NMI: variants seen among roughly 807,000 people sequenced by gnomAD.
NMI encodes the protein N-myc-interactor.
Under a neutral mutation model 34.3 loss-of-function variants are expected in NMI, and 39 were observed. That is an observed-to-expected ratio of 1.14 (90% CI 0.88 to 1.49). The LOEUF is 1.49. Ranked by LOEUF, NMI falls within the 40% of genes most tolerant of loss-of-function variation. The probability of loss-of-function intolerance (pLI) is 0.00; values close to 1 mark genes in which losing one functional copy is unlikely to be tolerated. For synonymous variants in NMI, 113 were observed against 120.3 expected, an observed-to-expected ratio of 0.94 and a Z score of 0.40; for missense variants, 339 against 358.1, an observed-to-expected ratio of 0.95 and a Z score of 0.43.
At chr2:151,284,373 A>T (rs1220432495) in intron 1 of NMI, among the ~76,000 whole-genome samples, 2 of 151,984 alleles carry the variant, frequency 1.3e-5, no homozygotes, top group Non-Finnish European at 2.9e-5. Context: ...AACACGGCTC[A>T]CTGCAGCCTC....
intron 4 of NMI, 62 bp downstream of exon 4, chr2:151,278,766 G>T (rs1325793700): frequency 4.7e-6 from 6 of 1,280,968 alleles, no homozygotes; most frequent in Non-Finnish European, 6.8e-6. Context: ...CGAAGTAATA[G>T]CTAAATGTCT....
intron 6 of NMI, among the ~76,000 whole-genome samples, chr2:151,272,380 A>T (rs1407564681): frequency 6.6e-6 from 1 of 152,226 alleles, no homozygotes; most frequent in East Asian, 1.9e-4. Flanking sequence ...CTTCTCACTC[A>T]TCTACCTTGG....
At chr2:151,284,053 A>G (rs545121247) in intron 1 of NMI, among the ~76,000 whole-genome samples, 2 of 152,292 alleles carry the variant, frequency 1.3e-5, no homozygotes, top group South Asian at 4.1e-4. Flanking sequence ...TCTGATAACC[A>G]TATTTCAATA....
At chr2:151,271,816 A>C in intron 6 of NMI, 84 bp from the exon 7 acceptor site, 1 of 683,882 alleles carries the variant, frequency 1.5e-6, no homozygotes, top group South Asian at 1.7e-5. Context: ...CAAAGAGAAC[A>C]CTATTACAGT....
At chr2:151,287,384 A>C (rs916350412) in intron 1 of NMI, among the ~76,000 whole-genome samples, 7 of 151,974 alleles carry the variant, frequency 4.6e-5, no homozygotes, top group African/African-American at 1.5e-4. Flanking sequence ...TATTGTATCA[A>C]CAACTGCAAA....
Position 151,271,740 on chromosome 2 carries a change from C to T in NMI, c.635-8G>A. 1 of 1,365,488 alleles carries T rather than the reference C, an allele frequency of 7.3e-7. No homozygotes were observed. Among genetic ancestry groups the T allele is most frequent in the Middle Eastern group, 1.8e-4 (1 of 5,568 alleles). The allele number at this position is 1,365,488 out of a possible 1,614,324, so 84.6% of individuals were successfully genotyped here. ...TCAAAATCTTGTCAGCCACTAAAAG[C>T]AAAACAAAAACAATACTTGTCTTTT... On this transcript the variant is annotated splice_polypyrimidine_tract_variant and splice_region_variant and intron_variant, in intron 6 of 7. Coordinates refer to ENST00000243346, the MANE Select transcript of NMI (RefSeq NM_004688.3).
At chr2:151,286,914 T>C (rs952244036) in intron 1 of NMI, among the ~76,000 whole-genome samples, 10 of 152,194 alleles carry the variant, frequency 6.6e-5, no homozygotes, top group African/African-American at 2.4e-4. Context: ...CTGTGCACAT[T>C]AATAAATTTG....
At chr2:151,277,868 T>C (rs1683317905) in intron 4 of NMI, 1 of 152,146 alleles carries the variant, frequency 6.6e-6, no homozygotes, top group Admixed American at 6.6e-5. Flanking sequence ...ATAACTTAAA[T>C]AAAAGAACAA....
At chr2:151,271,767 T>TA in intron 6 of NMI, 35 bp from the exon 7 acceptor site, 1 of 1,022,548 alleles carries the variant, frequency 9.8e-7, no homozygotes, top group East Asian at 2.4e-5. Context: ...TTGTCTTTTT[T>TA]ATATCATAAG....
chr2:151,278,020 C>G (rs1163139023), intron 4 of NMI: 2 of 152,192 alleles, frequency 1.3e-5, no homozygotes, highest in African/African-American at 4.8e-5. Flanking sequence ...GTATCCTTAT[C>G]TGAAAAATTT....
chr2:151,275,463 AC>A lies in NMI; in HGVS notation c.634+20del. On this transcript the variant is annotated intron_variant, in intron 6 of 7. Coordinates refer to ENST00000243346, the MANE Select transcript of NMI (RefSeq NM_004688.3). ...GACTGAAATGGCAGAGTGTCTGTTAACCTTCTACACCCTTGAGTACCTCCAA... is the reference window on the plus strand; with the variant it reads ...GACTGAAATGGCAGAGTGTCTGTTAACTTCTACACCCTTGAGTACCTCCAA... 1 of 1,603,802 alleles carries A rather than the reference AC, an allele frequency of 6.2e-7. No individual in the cohort carries two copies. Among genetic ancestry groups the A allele is most frequent in the East Asian group, 2.2e-5 (1 of 44,756 alleles).
At chr2:151,286,827 C>T (rs1023475039) in intron 1 of NMI, among the ~76,000 whole-genome samples, 1 of 152,190 alleles carries the variant, frequency 6.6e-6, no homozygotes, top group African/African-American at 2.4e-5. Context: ...TTCCACATCT[C>T]CCTTTCCCCT....
At chr2:151,276,711 T>C (rs890119583) in intron 4 of NMI, among the ~76,000 whole-genome samples, 2 of 152,204 alleles carry the variant, frequency 1.3e-5, no homozygotes. Flanking sequence ...GCAATATATA[T>C]TCATTTGCTC....
At chr2:151,289,542 C>G (rs539241020) in intron 1 of NMI, 51 bp downstream of exon 1, 9 of 152,264 alleles carry the variant, frequency 5.9e-5, no homozygotes, top group Admixed American at 2.0e-4. Flanking sequence ...CTCTCCAGCC[C>G]GGGACTGCCA....
intron 1 of NMI, among the ~76,000 whole-genome samples, chr2:151,286,762 G>A (rs1170013217): frequency 3.3e-5 from 5 of 152,108 alleles, no homozygotes; most frequent in Non-Finnish European, 5.9e-5. Context: ...TATGTTCTTC[G>A]AGTCCCTTGA....
chr2:151,274,211 C>T (rs1683241053), intron 6 of NMI, among the ~76,000 whole-genome samples: 1 of 151,228 alleles, frequency 6.6e-6, no homozygotes, highest in Non-Finnish European at 1.5e-5. Context: ...GGCATGGTGG[C>T]ATGCACTTGT....
chr2:151,281,204 A>T (rs1413817370), intron 3 of NMI, among the ~76,000 whole-genome samples: 2 of 152,198 alleles, frequency 1.3e-5, no homozygotes, highest in Admixed American at 1.3e-4. Context: ...ATGTACAATT[A>T]AAATACAGGA....
At chr2:151,280,110 G>T (rs1683361339) in intron 3 of NMI, among the ~76,000 whole-genome samples, 2 of 151,760 alleles carry the variant, frequency 1.3e-5, no homozygotes, top group East Asian at 1.9e-4. Context: ...CAGGAGAATC[G>T]CTTGAACCAG....
At chr2:151,276,211 C>G (rs1420526089) in intron 4 of NMI, among the ~76,000 whole-genome samples, 1 of 152,004 alleles carries the variant, frequency 6.6e-6, no homozygotes, top group Non-Finnish European at 1.5e-5. Flanking sequence ...TGCCACCACG[C>G]CTAGCTAATT....
Sources: allele counts gnomAD v4.1 joint callset (sites outside exome capture counted in the v4.1 genomes callset), GRCh38; gene constraint gnomAD v4.1.1; transcripts MANE v1.5; gene names NCBI Gene and HGNC (gene_info 2026-07-23, HGNC 2026-07-21).